The following SNX29 variants were observed in gnomAD, a reference collection of about 807,000 sequenced individuals.
SNX29 encodes sorting nexin 29.
A neutral mutation model predicts 102.1 loss-of-function variants in SNX29; 78 were observed. The observed-to-expected ratio is 0.76, with a 90% confidence interval of 0.64 to 0.92. SNX29 has a LOEUF of 0.92. Among genes scored for constraint, SNX29 ranks in the 40% least tolerant of loss-of-function variants. The pLI is 0.00. For missense variants in SNX29, 1,280 were observed against 1,061.7 expected (o/e 1.21, Z -2.86); for synonymous variants, 580 against 414.5 (o/e 1.40, Z -4.85).
At chr16:12,529,262 A>G (rs940823405) in intron 20 of SNX29, among the ~76,000 whole-genome samples, 4 of 152,204 alleles carry the variant, frequency 2.6e-5, no homozygotes, top group African/African-American at 4.8e-5. Flanking sequence ...AAGACAAGGA[A>G]CAGATGAGTG....
chr16:12,546,867 G>A (rs942302688), intron 20 of SNX29, among the ~76,000 whole-genome samples: 2 of 152,206 alleles, frequency 1.3e-5, no homozygotes, highest in African/African-American at 4.8e-5. Flanking sequence ...AGTAAGATCA[G>A]GCTGGTTTGG....
intron 13 of SNX29, among the ~76,000 whole-genome samples, chr16:12,194,915 C>T (rs2076735426): frequency 6.6e-6 from 1 of 152,184 alleles, no homozygotes; most frequent in Admixed American, 6.5e-5. Context: ...GCATGAGCCA[C>T]TGCATCTGGC....
intron 20 of SNX29, chr16:12,561,073 G>T (rs561549748): frequency 4.4e-6 from 1 of 225,042 alleles, no homozygotes; most frequent in East Asian, 6.4e-5. Context: ...GGCCTTGATG[G>T]ATGTCAGCAT....
intron 14 of SNX29, among the ~76,000 whole-genome samples, chr16:12,244,526 T>C (rs757853503): frequency 1.3e-5 from 2 of 152,062 alleles, no homozygotes; most frequent in East Asian, 3.9e-4. Flanking sequence ...GGAGAATTGC[T>C]TGAAACCTGG....
At chr16:12,562,430 C>A (rs2078779344) in intron 20 of SNX29, among the ~76,000 whole-genome samples, 1 of 152,178 alleles carries the variant, frequency 6.6e-6, no homozygotes, top group Non-Finnish European at 1.5e-5. Context: ...TTAAAGTGCA[C>A]ACAGCTTGCT....
intron 18 of SNX29, among the ~76,000 whole-genome samples, chr16:12,474,410 C>G (rs564617650): frequency 6.6e-6 from 1 of 152,188 alleles, no homozygotes; most frequent in Admixed American, 6.5e-5. Context: ...ATTTTGGAGT[C>G]ATTGGCCTAA....
At chr16:12,557,148 C>G (rs549806665) in intron 20 of SNX29, among the ~76,000 whole-genome samples, 1 of 152,072 alleles carries the variant, frequency 6.6e-6, no homozygotes, top group Non-Finnish European at 1.5e-5. Context: ...TGCCCCTGGT[C>G]ACAATTTCCA....
chr16:12,049,115 GC>G (rs535851342), intron 7 of SNX29, among the ~76,000 whole-genome samples: 9 of 152,286 alleles, frequency 5.9e-5, no homozygotes, highest in Middle Eastern at 3.4e-3. Flanking sequence ...CATTGGTCTT[GC>G]CTCTGACTGG....
chr16:12,096,369 G>A lies in SNX29; in HGVS notation c.1402+17454G>A, dbSNP rs1159698871. Among the ~76,000 whole-genome samples, 1 of 152,190 alleles carries A rather than the reference G, an allele frequency of 6.6e-6. No individual in the cohort carries two copies. Among genetic ancestry groups the A allele is most frequent in the South Asian group, 2.1e-4 (1 of 4,822 alleles). On this transcript the variant is annotated intron_variant, in intron 11 of 20. Transcript: ENST00000566228. This position sits in a 1 kb window ranked among gnomAD's most constrained non-coding sequence, Gnocchi z 4.2. ...CTCTCATGTGCTGGGCGCAGTTCTA[G>A]GTGCTGAGGAGCCAGAGGTGGGGAT...
intron 19 of SNX29, among the ~76,000 whole-genome samples, chr16:12,516,093 G>T (rs150988609): frequency 7.6e-4 from 116 of 152,248 alleles, no homozygotes; most frequent in African/African-American, 2.6e-3. Context: ...TAAGTCAGCC[G>T]ATGGCTCTCG....
At chr16:11,977,427 G>C (rs560883766) in intron 1 of SNX29, 1 of 153,008 alleles carries the variant, frequency 6.5e-6, no homozygotes, top group African/African-American at 2.4e-5. Flanking sequence ...GTTCTTCCCA[G>C]TTACCCACTC....
intron 4 of SNX29, among the ~76,000 whole-genome samples, chr16:12,037,305 G>A (rs1196329529): frequency 6.6e-6 from 1 of 152,028 alleles, no homozygotes; most frequent in African/African-American, 2.4e-5. Flanking sequence ...TGACTCCCAG[G>A]CCATTGTTTG....
chr16:12,036,048 G>A (rs2057462753), intron 4 of SNX29, among the ~76,000 whole-genome samples: 1 of 152,074 alleles, frequency 6.6e-6, no homozygotes, highest in Non-Finnish European at 1.5e-5. Flanking sequence ...CCGTGGGGTT[G>A]GATTTTCTTT....
intron 19 of SNX29, among the ~76,000 whole-genome samples, chr16:12,486,582 G>GC (rs1243791517): frequency 6.6e-6 from 1 of 152,234 alleles, no homozygotes; most frequent in African/African-American, 2.4e-5. Flanking sequence ...CAGGTGATCT[G>GC]CCTTCAGCCT....
At chr16:12,155,834 A>C (rs1597063949) in intron 13 of SNX29, among the ~76,000 whole-genome samples, 1 of 152,178 alleles carries the variant, frequency 6.6e-6, no homozygotes, top group East Asian at 1.9e-4. Context: ...CACTGCTGCA[A>C]GGAAGGGTCC....
chr16:12,024,541 C>T (rs2057134501), intron 3 of SNX29, among the ~76,000 whole-genome samples: 2 of 152,108 alleles, frequency 1.3e-5, no homozygotes, highest in Non-Finnish European at 2.9e-5. Context: ...CGGCCTTTGG[C>T]GAGGAAGGCA....
chr16:12,270,054 T>C (rs1241240858), intron 14 of SNX29, among the ~76,000 whole-genome samples: 1 of 151,862 alleles, frequency 6.6e-6, no homozygotes, highest in Non-Finnish European at 1.5e-5. Flanking sequence ...AGAGATGGGG[T>C]TTCACCATGT....
intron 20 of SNX29, among the ~76,000 whole-genome samples, chr16:12,548,260 C>T (rs189429759): frequency 1.3e-5 from 2 of 152,182 alleles, no homozygotes; most frequent in African/African-American, 2.4e-5. Flanking sequence ...TTCTGGCTCA[C>T]CAGATGTGGA....
chr16:12,221,221 G>T (rs2077468101), intron 14 of SNX29, among the ~76,000 whole-genome samples: 1 of 152,094 alleles, frequency 6.6e-6, no homozygotes, highest in Non-Finnish European at 1.5e-5. Flanking sequence ...CAGGCTGAGT[G>T]GGGAGGGGAG....
Sources: allele counts gnomAD v4.1 joint callset (sites outside exome capture counted in the v4.1 genomes callset), GRCh38; gene constraint gnomAD v4.1.1; non-coding constraint Gnocchi (gnomAD v3.1); transcripts MANE v1.5; gene names NCBI Gene and HGNC (gene_info 2026-07-23, HGNC 2026-07-21).